DCAF1: variants seen among roughly 807,000 people sequenced by gnomAD.
DCAF1 encodes the protein DDB1 and CUL4 associated factor 1, also known as DDB1- and CUL4-associated factor 1.
Under a neutral mutation model 128.0 loss-of-function variants are expected in DCAF1, and 15 were observed. The observed-to-expected ratio is 0.12, with a 90% CI of 0.08 to 0.18. DCAF1 has a LOEUF of 0.18. Among genes scored for constraint, DCAF1 ranks in the 10% least tolerant of loss-of-function variants. The pLI is 1.00. For synonymous variants in DCAF1, 610 were observed against 603.0 expected, an observed-to-expected ratio of 1.01 and a Z score of -0.17; for missense variants, 988 against 1,649.5, an observed-to-expected ratio of 0.60 and a Z score of 6.95.
intron 2 of DCAF1, among the ~76,000 whole-genome samples, chr3:51,490,326 T>C (rs1707483337): frequency 6.6e-6 from 1 of 152,008 alleles, no homozygotes; most frequent in Non-Finnish European, 1.5e-5. Context: ...AGCTACTCGG[T>C]AGGCTGAGGT....
intron 2 of DCAF1, among the ~76,000 whole-genome samples, chr3:51,494,493 G>A (rs1199315716): frequency 3.9e-5 from 6 of 151,976 alleles, no homozygotes; most frequent in African/African-American, 1.4e-4. Context: ...ATCTACAAAC[G>A]CCACTGATTT....
chr3:51,405,782 GT>G (rs1298915118), intron 23 of DCAF1, among the ~76,000 whole-genome samples: 3 of 152,180 alleles, frequency 2.0e-5, no homozygotes, highest in Non-Finnish European at 4.4e-5. Flanking sequence ...CAAGTAACTG[GT>G]GGCATGAACC....
chr3:51,461,357 A>G (rs1703541955), intron 6 of DCAF1, among the ~76,000 whole-genome samples: 1 of 152,224 alleles, frequency 6.6e-6, no homozygotes, highest in Non-Finnish European at 1.5e-5. Flanking sequence ...CAAAACCACA[A>G]TGAGATACCA....
chr3:51,486,193 C>A lies in DCAF1; in HGVS notation c.-8-2357G>T, dbSNP rs1305058961. ...CTGTGAAAACCACACCCGGCAGATTCTTTTTTTTTTTTTTTTTTTTTAAGG... is the reference window on the plus strand; with the variant it reads ...CTGTGAAAACCACACCCGGCAGATTATTTTTTTTTTTTTTTTTTTTTAAGG... On this transcript the variant is annotated intron_variant, in intron 2 of 24. Transcript: ENST00000684031. Among the ~76,000 whole-genome samples the A allele has an allele frequency of 1.1e-4, 12 of 113,330 alleles. No individual in the cohort carries two copies. In the Admixed American group the frequency reaches 1.1e-3, roughly 11 times the overall value. The allele number at this position is 113,330 out of a possible 152,430, so 74.3% of individuals were successfully genotyped here.
intron 1 of DCAF1, 79 bp downstream of exon 1, chr3:51,499,794 A>T (rs1344129693): frequency 3.9e-5 from 4 of 103,474 alleles, no homozygotes; most frequent in Middle Eastern, 5.0e-3. Flanking sequence ...CCCGGCGCCC[A>T]CTCTGCCGCC....
upstream of DCAF1, among the ~76,000 whole-genome samples, chr3:51,500,477 T>C (rs1553663863): frequency 6.6e-6 from 1 of 152,222 alleles, no homozygotes; most frequent in African/African-American, 2.4e-5. Context: ...AGAAAATATT[T>C]CTCATAAACA....
rs561486626 is a variant in DCAF1, at chr3:51,481,468, G to A, written c.110+2251C>T. On this transcript the variant is annotated intron_variant, in intron 3 of 24. Transcript: ENST00000684031. ...GCACTTTGGGAGGCCGAGGTGGGTG[G>A]ATCACCTGAGGTCAGGAGTTCAAGA... is the stretch of plus-strand genomic sequence containing the variant. Among the ~76,000 whole-genome samples, 3 of 152,090 alleles carry A rather than the reference G, an allele frequency of 2.0e-5. No homozygotes were observed. The East Asian group carries it at 5.8e-4, about 29-fold the overall frequency.
intron 5 of DCAF1, 125 bp downstream of exon 5, chr3:51,466,678 T>C (rs1704162531): frequency 3.5e-6 from 3 of 852,980 alleles, no homozygotes; most frequent in Non-Finnish European, 5.5e-6. Context: ...ACCAGGACTT[T>C]GGCAAAAAAC....
chr3:51,465,916 C>T (rs1156989394), intron 5 of DCAF1, among the ~76,000 whole-genome samples: 1 of 150,938 alleles, frequency 6.6e-6, no homozygotes, highest in East Asian at 2.0e-4. Context: ...AATAAGGCTG[C>T]GGCTGGGTGC....
chr3:51,420,162 G>C lies in DCAF1; in HGVS notation c.2808C>G (p.Pro936=), dbSNP rs782220023. 3 of 1,613,984 alleles carry C rather than the reference G, an allele frequency of 1.9e-6. No individual in the cohort carries two copies. Among genetic ancestry groups the C allele is most frequent in the Admixed American group, 1.7e-5 (1 of 60,010 alleles). The change falls in exon 15 of 25, where the codon CCC becomes CCG. Residue 936 remains proline (P), a synonymous_variant. Coordinates refer to ENST00000684031, the MANE Select transcript of DCAF1 (RefSeq NM_001387579.1). The surrounding 1 kb of genome is among the most constrained non-coding windows in gnomAD (Gnocchi z 6.5). Reference sequence around the variant, plus strand: ...GGCCGGGCAGAGCTAGCGGACCCTGGGGGGGCCGTGGCTGAGGATGAGCAG... The same window carrying C: ...GGCCGGGCAGAGCTAGCGGACCCTGCGGGGGCCGTGGCTGAGGATGAGCAG... The part of the protein sequence containing the change: ...APTAHPQPRP[P]QGPLALPGPS...
rs375001913 is a variant in DCAF1 at position 51,451,041 on chromosome 3, T to C, written c.376-7138A>G. Among the ~76,000 whole-genome samples, 7 of 124,006 alleles carry C rather than the reference T, an allele frequency of 5.6e-5. No homozygotes were observed. In the South Asian group the frequency reaches 1.7e-3, roughly 31 times the overall value. 81.4% of individuals were successfully genotyped at this position (124,006 alleles called of 152,430 possible). A position where few individuals can be genotyped will look rare whatever the true frequency, so the allele number is the denominator to read the frequency against. ...AAAAATCAGTTGCACTTCTATACAC[T>C]AGCAATGAACAATATAAAAAGGAAA... is the stretch of plus-strand genomic sequence containing the variant. On this transcript the variant is annotated intron_variant, in intron 6 of 24. Transcript: ENST00000684031.
At chr3:51,473,389 C>T (rs1206710931) in intron 3 of DCAF1, among the ~76,000 whole-genome samples, 1 of 148,108 alleles carries the variant, frequency 6.8e-6, no homozygotes, top group Non-Finnish European at 1.5e-5. Flanking sequence ...TCAAACTCTC[C>T]TATGTGCTTA....
At chr3:51,460,572 T>C (rs1703435365) in intron 6 of DCAF1, among the ~76,000 whole-genome samples, 1 of 151,908 alleles carries the variant, frequency 6.6e-6, no homozygotes, top group Non-Finnish European at 1.5e-5. Context: ...TTAAAGTTCA[T>C]ATGGAACCAA....
At chr3:51,490,260 G>C (rs1184152401) in intron 2 of DCAF1, among the ~76,000 whole-genome samples, 1 of 151,954 alleles carries the variant, frequency 6.6e-6, no homozygotes, top group Admixed American at 6.6e-5. Context: ...TACAAAAAAG[G>C]CAAAAAATTA....
chr3:51,439,554 A>C lies in DCAF1; in HGVS notation c.1128+1416T>G, dbSNP rs185990890. ...CCTCCCGAGTTCAAGCGATTCTCCC[A>C]CCTCAGCCTCCTGAGTAGCTAGGAT... On this transcript the variant is annotated intron_variant, in intron 9 of 24. Transcript: ENST00000684031. Among the ~76,000 whole-genome samples, 477 of 137,214 alleles carry C rather than the reference A, an allele frequency of 3.5e-3. 2 individuals are homozygous for C. The highest frequency in any genetic ancestry group is 5.7e-3 in the Non-Finnish European group (364 of 63,972). 90.0% of individuals were successfully genotyped at this position (137,214 alleles called of 152,430 possible). A position where few individuals can be genotyped will look rare whatever the true frequency, so the allele number is the denominator to read the frequency against.
chr3:51,457,498 T>C (rs1018731474), intron 6 of DCAF1, among the ~76,000 whole-genome samples: 2 of 152,182 alleles, frequency 1.3e-5, no homozygotes, highest in Non-Finnish European at 1.5e-5. Context: ...TGCAGGATAT[T>C]ATCCAGGAGA....
intron 3 of DCAF1, among the ~76,000 whole-genome samples, chr3:51,471,976 C>T (rs1704809489): frequency 6.6e-6 from 1 of 152,178 alleles, no homozygotes; most frequent in Admixed American, 6.5e-5. Context: ...TTGACCACTC[C>T]TATCCTCATC....
At chr3:51,490,568 G>A (rs1553657509) in intron 2 of DCAF1, among the ~76,000 whole-genome samples, 2 of 152,296 alleles carry the variant, frequency 1.3e-5, no homozygotes, top group South Asian at 2.1e-4. Flanking sequence ...GATTAGAAGG[G>A]TTAGTATCAA....
At chr3:51,432,994 T>C (rs1286237892) in intron 10 of DCAF1, 112 bp downstream of exon 10, 1 of 396,536 alleles carries the variant, frequency 2.5e-6, no homozygotes, top group Non-Finnish European at 4.4e-6. Context: ...TTAAAATTTA[T>C]TCCTTCAACT....
Sources: gnomAD v4.1 joint callset for allele counts (sites outside exome capture counted in the v4.1 genomes callset) on GRCh38, gnomAD v4.1.1 for gene constraint, Gnocchi (gnomAD v3.1) non-coding constraint, MANE v1.5 for transcripts, NCBI Gene and HGNC (gene_info 2026-07-23, HGNC 2026-07-21) for gene names.